Variants in FBXL2 observed in about 807,000 individuals in gnomAD.
FBXL2 encodes F-box/LRR-repeat protein 2.
FBXL2 carries 38 observed loss-of-function variants against 69.2 expected under a neutral mutation model. The ratio of observed to expected loss-of-function variants is 0.55; its 90% CI spans 0.42 to 0.72. The LOEUF is 0.72. Among genes scored for constraint, FBXL2 ranks in the 30% least tolerant of loss-of-function variants. The pLI is 0.00. For missense variants in FBXL2, 354 were observed against 520.3 expected (o/e 0.68, Z 3.11); for synonymous variants, 192 against 201.3 (o/e 0.95, Z 0.39).
At chr3:33,409,616 A>AGGCT in the FBXL2 span, 1 of 1,614,096 alleles carries the variant, frequency 6.2e-7, no homozygotes, top group Non-Finnish European at 8.5e-7. Context: ...AAAACGATTC[A>AGGCT]GGCTGAAATG....
chr3:33,343,721 T>C (rs775501453), intron 2 of FBXL2, among the ~76,000 whole-genome samples: 1 of 152,114 alleles, frequency 6.6e-6, no homozygotes, highest in Non-Finnish European at 1.5e-5. Flanking sequence ...ATTTTGTCAT[T>C]ATGAAGATAC....
chr3:33,345,304 C>A (rs1226846962), intron 2 of FBXL2, among the ~76,000 whole-genome samples: 1 of 152,120 alleles, frequency 6.6e-6, no homozygotes, highest in Non-Finnish European at 1.5e-5. Flanking sequence ...TACGTTTGCA[C>A]AACCCTTTTT....
chr3:33,304,083 CAT>C (rs1474578816), intron 2 of FBXL2, among the ~76,000 whole-genome samples: 4 of 151,868 alleles, frequency 2.6e-5, no homozygotes, highest in South Asian at 2.1e-4. Context: ...AATTTACTAA[CAT>C]ATATTTGCAA....
At chr3:33,284,745 A>G (rs903783228) in intron 1 of FBXL2, among the ~76,000 whole-genome samples, 6 of 152,176 alleles carry the variant, frequency 3.9e-5, no homozygotes, top group African/African-American at 2.4e-5. Flanking sequence ...TTGGGTGCAT[A>G]TATATTTAGG....
rs1050114495 is a variant in FBXL2, at chr3:33,384,501, C to G, written c.1164+300C>G. 2.6e-5 allele frequency among the ~76,000 whole-genome samples: 4 copies of G among 152,270 alleles called. No individual in the cohort carries two copies. The South Asian group carries it at 8.3e-4, about 32-fold the overall frequency. ...ACCCGAACCTGGGAAGCAGAAGTTG[C>G]AGTGAGCCCAGACTGCACCACTGCA... is the stretch of plus-strand genomic sequence containing the variant. On this transcript the variant is annotated intron_variant, in intron 14 of 14. Coordinates refer to ENST00000484457, the MANE Select transcript of FBXL2 (RefSeq NM_012157.5).
intron 12 of FBXL2, among the ~76,000 whole-genome samples, chr3:33,399,532 G>C (rs1235160022): frequency 6.6e-6 from 1 of 152,108 alleles, no homozygotes; most frequent in East Asian, 1.9e-4. Context: ...CGTTATGCTA[G>C]TGAAAAAAAG....
chr3:33,341,787 G>A (rs1473432600), intron 2 of FBXL2, among the ~76,000 whole-genome samples: 1 of 140,056 alleles, frequency 7.1e-6, no homozygotes, highest in Non-Finnish European at 1.5e-5. Flanking sequence ...TTGAGATGGC[G>A]CCACTGCTCT....
intron 2 of FBXL2, among the ~76,000 whole-genome samples, chr3:33,353,383 G>A (rs1404623449): frequency 2.0e-5 from 3 of 152,204 alleles, no homozygotes; most frequent in Non-Finnish European, 4.4e-5. Context: ...CAACTAAGAT[G>A]TCCTGCAATA....
intron 2 of FBXL2, among the ~76,000 whole-genome samples, chr3:33,316,419 G>A (rs2037698480): frequency 6.6e-6 from 1 of 152,052 alleles, no homozygotes; most frequent in African/African-American, 2.4e-5. Flanking sequence ...CTAAGTGTGG[G>A]ATCCCATCCT....
intron 2 of FBXL2, among the ~76,000 whole-genome samples, chr3:33,320,909 A>C (rs760627986): frequency 2.0e-5 from 3 of 152,206 alleles, no homozygotes; most frequent in Non-Finnish European, 2.9e-5. Context: ...AAAGCCACAA[A>C]CTAAAAGATA....
At chr3:33,330,368 TGAA>T (rs2039054517) in intron 2 of FBXL2, among the ~76,000 whole-genome samples, 1 of 151,740 alleles carries the variant, frequency 6.6e-6, no homozygotes, top group South Asian at 2.1e-4. Context: ...GTTCTGGGGA[TGAA>T]GAGAGATTGA....
intron 1 of FBXL2, among the ~76,000 whole-genome samples, chr3:33,292,898 G>C (rs1357736889): frequency 6.6e-6 from 1 of 152,096 alleles, no homozygotes; most frequent in Non-Finnish European, 1.5e-5. Flanking sequence ...ATGAGACAAA[G>C]GTGATTATAT....
chr3:33,391,748 C>T (rs372553698), downstream of FBXL2: 6 of 152,358 alleles, frequency 3.9e-5, no homozygotes, highest in African/African-American at 1.2e-4. Flanking sequence ...TCTCCTGCCT[C>T]GTTTTGCCAC....
intron 2 of FBXL2, among the ~76,000 whole-genome samples, chr3:33,318,255 CAG>C (rs2037883038): frequency 6.6e-6 from 1 of 152,176 alleles, no homozygotes; most frequent in South Asian, 2.1e-4. Context: ...TTCTGTTTAA[CAG>C]AGATTTGCAG....
At chr3:33,401,531 T>C (rs930266898) in intron 12 of FBXL2, among the ~76,000 whole-genome samples, 1 of 152,226 alleles carries the variant, frequency 6.6e-6, no homozygotes, top group African/African-American at 2.4e-5. Context: ...CTTGTACCAC[T>C]ATCCTTGTGC....
At chr3:33,411,819 C>T in the FBXL2 span, 1 of 681,092 alleles carries the variant, frequency 1.5e-6, no homozygotes, top group South Asian at 1.9e-5. Context: ...TCTCCATGAT[C>T]AACTTCTTCA....
intron 2 of FBXL2, among the ~76,000 whole-genome samples, chr3:33,347,178 T>C (rs1263911254): frequency 6.6e-6 from 1 of 152,128 alleles, no homozygotes; most frequent in African/African-American, 2.4e-5. Flanking sequence ...ATGAGTTCAA[T>C]TGTTTTAATT....
intron 1 of FBXL2, among the ~76,000 whole-genome samples, chr3:33,284,348 A>AGTT (rs2034371236): frequency 1.3e-5 from 2 of 151,600 alleles, no homozygotes; most frequent in Non-Finnish European, 3.0e-5. Context: ...GTTTCCATGT[A>AGTT]GAGCACTTTT....
intron 12 of FBXL2, chr3:33,402,920 GAAAT>G: frequency 6.3e-7 from 1 of 1,579,778 alleles, no homozygotes; most frequent in Non-Finnish European, 8.6e-7. Flanking sequence ...GACAGAAACA[GAAAT>G]AAATTAGTGA....
Sources: allele counts gnomAD v4.1 joint callset (sites outside exome capture counted in the v4.1 genomes callset), GRCh38; gene constraint gnomAD v4.1.1; transcripts MANE v1.5; gene names NCBI Gene and HGNC (gene_info 2026-07-23, HGNC 2026-07-21).